The following DCN variants were observed in gnomAD, a reference collection of about 807,000 sequenced individuals.
The protein encoded by DCN is bone proteoglycan II.
DCN carries 17 observed loss-of-function variants against 36.5 expected under a neutral mutation model. The ratio of observed to expected loss-of-function variants is 0.47; its 90% CI spans 0.32 to 0.70. The LOEUF is 0.70. DCN is among the 30% of genes least tolerant of loss of function. The probability of loss-of-function intolerance (pLI) is 0.04; values close to 1 mark genes in which losing one functional copy is unlikely to be tolerated. For missense variants in DCN, 389 were observed against 430.1 expected, an observed-to-expected ratio of 0.90 and a Z score of 0.84; for synonymous variants, 163 against 161.4, an observed-to-expected ratio of 1.01 and a Z score of -0.07.
chr12:91,164,437 T>A (rs1882392752), intron 3 of DCN, among the ~76,000 whole-genome samples, 168 bp downstream of exon 3: 1 of 134,728 alleles, frequency 7.4e-6, no homozygotes, highest in Non-Finnish European at 1.6e-5. Flanking sequence ...AAACAGTGTT[T>A]GGGGCAGAAT....
intron 2 of DCN, among the ~76,000 whole-genome samples, chr12:91,174,347 T>TA (rs1883162860): frequency 1.3e-5 from 2 of 152,082 alleles, no homozygotes; most frequent in South Asian, 4.1e-4. Context: ...AAGTCTCTAA[T>TA]AAGACTCTAA....
Position 91,141,260 on chromosome 12 carries a change from A to G in DCN, c.*4798T>C, listed in dbSNP as rs891302007. ...TTACCTTTCTGACCTTGTATCATAT[A>G]TTATCTCTTCTTGCTCACTTTACTC... On this transcript the variant is annotated 3_prime_UTR_variant, in exon 8 of 8. Coordinates refer to ENST00000052754, the MANE Select transcript of DCN (RefSeq NM_001920.5). 1.3e-5 allele frequency: 2 copies of G among 152,180 alleles called. No homozygotes were observed. The highest frequency in any genetic ancestry group is 4.8e-5 in the African/African-American group (2 of 41,508). The allele number at this position is 152,180 out of a possible 1,614,324, so 9.4% of individuals were successfully genotyped here. A position where few individuals can be genotyped will look rare whatever the true frequency, so the allele number is the denominator to read the frequency against.
At chr12:91,166,624 T>C (rs979731134) in intron 2 of DCN, among the ~76,000 whole-genome samples, 12 of 152,208 alleles carry the variant, frequency 7.9e-5, no homozygotes, top group African/African-American at 2.9e-4. Context: ...CTCAACATTT[T>C]GTCAATGCGA....
In DCN at chr12:91,143,286, G is replaced by A. The variant is rs1880810501; in HGVS notation, c.*2772C>T. On this transcript the variant is annotated 3_prime_UTR_variant, in exon 8 of 8. Coordinates refer to ENST00000052754, the MANE Select transcript of DCN (RefSeq NM_001920.5). Reference sequence around the variant, plus strand: ...AGAAAGTAAGTTTCTGTTGTTTTAAGCCACCCAGTTTTTGGTACTTTATTA... The same window carrying A: ...AGAAAGTAAGTTTCTGTTGTTTTAAACCACCCAGTTTTTGGTACTTTATTA... The A allele has an allele frequency of 6.6e-6, 1 of 152,162 alleles. No homozygotes were observed. Among genetic ancestry groups the A allele is most frequent in the South Asian group, 2.1e-4 (1 of 4,820 alleles). The allele number at this position is 152,162 out of a possible 1,614,324, so 9.4% of individuals were successfully genotyped here.
In DCN at chr12:91,145,950, A is replaced by G; in HGVS notation, c.*108T>C. The G allele has an allele frequency of 1.0e-6, 1 of 975,336 alleles. No individual in the cohort carries two copies. Among genetic ancestry groups the G allele is most frequent in the East Asian group, 2.5e-5 (1 of 40,700 alleles). 60.4% of individuals were successfully genotyped at this position (975,336 alleles called of 1,614,324 possible). ...TTATGCATAATAAGTCATGTGGGTA[A>G]AACATCCACATTGCAGTTAGGTTTC... On this transcript the variant is annotated 3_prime_UTR_variant, in exon 8 of 8. Coordinates refer to ENST00000052754, the MANE Select transcript of DCN (RefSeq NM_001920.5).
At chr12:91,146,299 T>A in intron 7 of DCN, 47 bp from the exon 8 acceptor site, 1 of 1,092,156 alleles carries the variant, frequency 9.2e-7, no homozygotes, top group Non-Finnish European at 1.4e-6. Context: ...CTAAATATGT[T>A]GAGGCCCTTC....
At chr12:91,156,090 G>A (rs1375563730) in intron 5 of DCN, among the ~76,000 whole-genome samples, 3 of 152,176 alleles carry the variant, frequency 2.0e-5, no homozygotes, top group Non-Finnish European at 4.4e-5. Flanking sequence ...GAGTAGGGAC[G>A]ATGTGCAAGT....
intron 7 of DCN, 58 bp downstream of exon 7, chr12:91,151,596 G>A: frequency 6.2e-7 from 1 of 1,605,914 alleles, no homozygotes; most frequent in South Asian, 1.1e-5. Context: ...CATCCCATAA[G>A]CAGGGTGGGG....
Position 91,172,875 on chromosome 12 carries a change from A to AAG in DCN, c.211+5466_211+5467insCT, listed in dbSNP as rs150194596. ...TTATTGCAATACTTCTTTTCTAGTGAAAAAAAATAAAATAGATATATAAAA... is the reference window on the plus strand; with the variant it reads ...TTATTGCAATACTTCTTTTCTAGTGAAGAAAAAAATAAAATAGATATATAAAA... On this transcript the variant is annotated intron_variant, in intron 2 of 7. Coordinates refer to ENST00000052754, the MANE Select transcript of DCN (RefSeq NM_001920.5). The AAG allele has an allele frequency of 5.8e-3, 3,544 of 609,628 alleles. 88 individuals are homozygous for AAG. The highest frequency in any genetic ancestry group is 0.057 in the African/African-American group (3,018 of 52,842). 37.8% of individuals were successfully genotyped at this position (609,628 alleles called of 1,614,324 possible).
chr12:91,151,574 C>T, intron 7 of DCN, 80 bp downstream of exon 7: 1 of 1,556,254 alleles, frequency 6.4e-7, no homozygotes, highest in Non-Finnish European at 8.8e-7. Flanking sequence ...AGAAGAGCTT[C>T]CTGCTTCCCA....
intron 3 of DCN, among the ~76,000 whole-genome samples, chr12:91,161,091 G>A (rs1484939992): frequency 6.6e-6 from 1 of 152,152 alleles, no homozygotes; most frequent in Non-Finnish European, 1.5e-5. Flanking sequence ...GAAACAGTAA[G>A]AGAAAAATAG....
At chr12:91,165,525 G>A (rs1480866593) in intron 2 of DCN, among the ~76,000 whole-genome samples, 1 of 152,066 alleles carries the variant, frequency 6.6e-6, no homozygotes, top group East Asian at 1.9e-4. Context: ...GTCATATAAG[G>A]ATGAACCAGA....
chr12:91,155,106 A>G (rs1330077489), intron 5 of DCN, among the ~76,000 whole-genome samples: 1 of 152,180 alleles, frequency 6.6e-6, no homozygotes. Context: ...AAGCATAACG[A>G]TGAATAGAAA....
intron 2 of DCN, among the ~76,000 whole-genome samples, chr12:91,165,024 C>G (rs1224733570): frequency 6.6e-6 from 1 of 152,024 alleles, no homozygotes; most frequent in Non-Finnish European, 1.5e-5. Flanking sequence ...TATGTTTTAC[C>G]TCTTTGTTGT....
chr12:91,168,494 C>T lies in DCN; in HGVS notation c.212-3777G>A, dbSNP rs374888696. Among the ~76,000 whole-genome samples the T allele has an allele frequency of 9.2e-5, 14 of 152,310 alleles. No homozygotes were observed. In the East Asian group the frequency reaches 1.5e-3, roughly 17 times the overall value. Reference sequence around the variant, plus strand: ...TTTCCTGAGTAAGGAGGACTAATTACTGTTTCTCATCAGCATTTTGCTCTG... The same window carrying T: ...TTTCCTGAGTAAGGAGGACTAATTATTGTTTCTCATCAGCATTTTGCTCTG... On this transcript the variant is annotated intron_variant, in intron 2 of 7. Transcript: ENST00000052754.
At chr12:91,164,579 G>T in intron 3 of DCN, 26 bp downstream of exon 3, 1 of 1,263,558 alleles carries the variant, frequency 7.9e-7, no homozygotes. Flanking sequence ...TTATCTTATT[G>T]TGAGTTAAAA....
intron 5 of DCN, among the ~76,000 whole-genome samples, chr12:91,154,330 A>G (rs2121190080): frequency 6.6e-6 from 1 of 152,278 alleles, no homozygotes; most frequent in Middle Eastern, 3.4e-3. Flanking sequence ...CACTTTTCCT[A>G]CTTCAAATCC....
Position 91,182,676 on chromosome 12 carries a change from A to G in DCN, c.-55T>C, listed in dbSNP as rs1021253026. On this transcript the variant is annotated 5_prime_UTR_variant, in exon 1 of 8. Coordinates refer to ENST00000052754, the MANE Select transcript of DCN (RefSeq NM_001920.5). ...ATACCTTTTAATCCGGGAATTTGCC[A>G]CAGGAGCCCTCAAAGCTGAGATGTA... The G allele has an allele frequency of 2.0e-5, 3 of 152,018 alleles. No homozygotes were observed. Among genetic ancestry groups the G allele is most frequent in the African/African-American group, 7.2e-5 (3 of 41,416 alleles). 9.4% of individuals were successfully genotyped at this position (152,018 alleles called of 1,614,324 possible). A position where few individuals can be genotyped will look rare whatever the true frequency, so the allele number is the denominator to read the frequency against.
chr12:91,167,715 A>G (rs184866336), intron 2 of DCN, among the ~76,000 whole-genome samples: 89 of 152,334 alleles, frequency 5.8e-4, no homozygotes, highest in Non-Finnish European at 9.8e-4. Context: ...CTCATTTCAT[A>G]GGTAAGGAAA....
Sources: gnomAD v4.1 joint callset for allele counts (sites outside exome capture counted in the v4.1 genomes callset) on GRCh38, gnomAD v4.1.1 for gene constraint, MANE v1.5 for transcripts, NCBI Gene and HGNC (gene_info 2026-07-23, HGNC 2026-07-21) for gene names.